TANC2: variants seen among roughly 807,000 people sequenced by gnomAD.
The protein encoded by TANC2 is protein TANC2.
TANC2 carries 26 observed loss-of-function variants against 210.5 expected under a neutral mutation model. That is an observed-to-expected ratio of 0.12 (90% CI 0.09 to 0.17). The LOEUF (loss-of-function observed/expected upper bound fraction) is 0.17, where lower values mean the gene tolerates loss of function less well. Ranked by LOEUF, TANC2 falls within the 10% of genes least tolerant of loss-of-function variation. The probability of loss-of-function intolerance (pLI) is 1.00; values close to 1 mark genes in which losing one functional copy is unlikely to be tolerated. For synonymous variants in TANC2, 931 were observed against 967.1 expected, an observed-to-expected ratio of 0.96 and a Z score of 0.69; for missense variants, 2,129 against 2,608.9, an observed-to-expected ratio of 0.82 and a Z score of 4.01.
intron 10 of TANC2, among the ~76,000 whole-genome samples, chr17:63,315,342 T>C (rs1567908043): frequency 6.6e-6 from 1 of 152,182 alleles, no homozygotes; most frequent in Non-Finnish European, 1.5e-5. Context: ...TTGTCTTCAT[T>C]TCACAGGTAA....
rs140875845 is a variant in TANC2, at chr17:63,221,284, A to G, written c.770-16530A>G. ...TGTCTCTACTAAAAAAAATAAAAAAATTAGCCAGGCGTGGTGGTGGTGGTG... is the reference window on the plus strand; with the variant it reads ...TGTCTCTACTAAAAAAAATAAAAAAGTTAGCCAGGCGTGGTGGTGGTGGTG... On this transcript the variant is annotated intron_variant, in intron 7 of 27. Coordinates refer to ENST00000689528, the Ensembl canonical transcript of TANC2. 8.4e-3 allele frequency among the ~76,000 whole-genome samples: 1,275 copies of G among 152,046 alleles called. 15 individuals are homozygous for G. The highest frequency in any genetic ancestry group is 0.028 in the African/African-American group (1,167 of 41,478).
At chr17:63,270,031 CTTTA>C (rs2043650099) in intron 9 of TANC2, among the ~76,000 whole-genome samples, 2 of 152,128 alleles carry the variant, frequency 1.3e-5, no homozygotes, top group South Asian at 4.1e-4. Flanking sequence ...TTGAAGTCAT[CTTTA>C]TTTTTCAAGA....
At chr17:63,120,178 T>A (rs2038408339) in intron 4 of TANC2, among the ~76,000 whole-genome samples, 2 of 152,208 alleles carry the variant, frequency 1.3e-5, no homozygotes, top group African/African-American at 4.8e-5. Context: ...ATTTTTTTTT[T>A]ATGTTTGGGA....
chr17:63,351,685 G>GA (rs1414185028), intron 13 of TANC2, among the ~76,000 whole-genome samples: 1 of 152,110 alleles, frequency 6.6e-6, no homozygotes, highest in Non-Finnish European at 1.5e-5. Flanking sequence ...AATTTTTCTA[G>GA]ACTGTTCTGA....
chr17:63,369,124 C>T (rs574701270), intron 14 of TANC2, among the ~76,000 whole-genome samples: 9 of 152,142 alleles, frequency 5.9e-5, no homozygotes, highest in Non-Finnish European at 8.8e-5. Context: ...CTAAATTCCC[C>T]ATGTCCTAAA....
chr17:63,091,198 GAA>G (rs2037179795), intron 3 of TANC2, among the ~76,000 whole-genome samples: 1 of 152,074 alleles, frequency 6.6e-6, no homozygotes, highest in Non-Finnish European at 1.5e-5. Context: ...TTGCTGTGCA[GAA>G]GCTCCTTAGT....
chr17:63,005,988 T>G (rs747570991), intron 1 of TANC2, among the ~76,000 whole-genome samples: 6 of 151,736 alleles, frequency 4.0e-5, no homozygotes, highest in South Asian at 4.2e-4. Context: ...AGGGCTATTT[T>G]ATATTTTTTG....
chr17:63,314,444 G>A (rs575715567), exon 10 of TANC2: 1 of 1,613,908 alleles, frequency 6.2e-7, no homozygotes, highest in East Asian at 2.2e-5. Context: ...GCTCTTTGAA[G>A]TGCCCAGCAT....
chr17:63,419,250 G>A (rs200463983), intron 27 of TANC2, among the ~76,000 whole-genome samples: 1 of 152,122 alleles, frequency 6.6e-6, no homozygotes, highest in African/African-American at 2.4e-5. Flanking sequence ...CTGGGGCAAC[G>A]AAGTCCTCAC....
At chr17:63,217,974 T>G (rs535705245) in intron 7 of TANC2, among the ~76,000 whole-genome samples, 2 of 151,820 alleles carry the variant, frequency 1.3e-5, no homozygotes, top group African/African-American at 4.8e-5. Flanking sequence ...TGTATGATCA[T>G]CTGATAAATA....
chr17:63,420,479 G>A lies in TANC2; in HGVS notation c.4749G>A (p.Arg1583=), dbSNP rs2048992089. 1.2e-6 allele frequency: 2 copies of A among 1,613,724 alleles called. No homozygotes were observed. Among genetic ancestry groups the A allele is most frequent in the African/African-American group, 2.7e-5 (2 of 74,878 alleles). The stretch of plus-strand genomic sequence containing the variant: ...CAACTCATCAGAACTCACATTACAG[G>A]CCTAGCCCACCACACACTTCCCCGG... Residue 1583 remains arginine (R), a synonymous_variant, in exon 28 of 28, where the codon AGG becomes AGA. Transcript: ENST00000689528. This position sits in a 1 kb window ranked among gnomAD's most constrained non-coding sequence, Gnocchi z 4.2.
At chr17:63,196,131 TA>T (rs1460578710) in intron 6 of TANC2, among the ~76,000 whole-genome samples, 5 of 152,338 alleles carry the variant, frequency 3.3e-5, no homozygotes, top group Non-Finnish European at 7.3e-5. Flanking sequence ...CTCTTACCAT[TA>T]ACTGATATTA....
chr17:63,118,198 A>G (rs569275827), intron 4 of TANC2, among the ~76,000 whole-genome samples: 2 of 152,200 alleles, frequency 1.3e-5, no homozygotes, highest in Non-Finnish European at 2.9e-5. Context: ...AATACATAAA[A>G]TCATTCTTGT....
chr17:63,419,679 C>G (rs1425748247), intron 27 of TANC2, among the ~76,000 whole-genome samples: 5 of 152,172 alleles, frequency 3.3e-5, no homozygotes, highest in Non-Finnish European at 5.9e-5. Flanking sequence ...CCCCACCCAA[C>G]TCTCATACTG....
intron 3 of TANC2, among the ~76,000 whole-genome samples, chr17:63,082,034 G>T (rs1179816717): frequency 2.0e-5 from 3 of 152,056 alleles, no homozygotes; most frequent in Non-Finnish European, 2.9e-5. Context: ...AGCTGGGCGT[G>T]GTGGCGGGCG....
intron 11 of TANC2, among the ~76,000 whole-genome samples, chr17:63,338,088 A>G (rs1319308343): frequency 6.6e-6 from 1 of 152,202 alleles, no homozygotes; most frequent in South Asian, 2.1e-4. Context: ...ATACGTGTGC[A>G]TGTGTCTTTA....
chr17:63,357,499 G>A (rs747261563), intron 14 of TANC2, among the ~76,000 whole-genome samples: 20 of 152,198 alleles, frequency 1.3e-4, no homozygotes, highest in Non-Finnish European at 2.8e-4. Flanking sequence ...TGATTGAATA[G>A]CATGGCTGCT....
intron 14 of TANC2, among the ~76,000 whole-genome samples, chr17:63,358,417 G>GTGTGTGTA (rs2046853936): frequency 6.9e-6 from 1 of 145,570 alleles, no homozygotes; most frequent in African/African-American, 2.5e-5. Flanking sequence ...GTGTGTATGT[G>GTGTGTGTA]TGTGTGTATC....
chr17:63,222,752 C>T (rs1289759198), intron 7 of TANC2, among the ~76,000 whole-genome samples: 1 of 152,006 alleles, frequency 6.6e-6, no homozygotes, highest in Non-Finnish European at 1.5e-5. Flanking sequence ...CACACACATA[C>T]ACACTAGCAT....
Sources: allele counts gnomAD v4.1 joint callset (sites outside exome capture counted in the v4.1 genomes callset), GRCh38; gene constraint gnomAD v4.1.1; non-coding constraint Gnocchi (gnomAD v3.1); transcripts MANE v1.5; gene names NCBI Gene and HGNC (gene_info 2026-07-23, HGNC 2026-07-21).